The following RGS6 variants were observed in gnomAD, a reference collection of about 807,000 sequenced individuals.
The protein encoded by RGS6 is regulator of G protein signaling 6, also known as regulator of G-protein signaling 6.
Under a neutral mutation model 78.5 loss-of-function variants are expected in RGS6, and 30 were observed. The ratio of observed to expected loss-of-function variants is 0.38; its 90% CI spans 0.29 to 0.52. RGS6 has a LOEUF of 0.52. RGS6 is among the 20% of genes least tolerant of loss of function. RGS6 has a pLI of 0.85. For synonymous variants in RGS6, 206 were observed against 206.0 expected (o/e 1.00, Z 0.00); for missense variants, 495 against 609.7 (o/e 0.81, Z 1.98).
the RGS6 span, among the ~76,000 whole-genome samples, chr14:72,596,568 G>C: frequency 3.9e-5 from 6 of 151,990 alleles, no homozygotes; most frequent in Non-Finnish European, 7.4e-5. Context: ...AATTTCAGTC[G>C]AGCAAAAAAA....
At chr14:72,296,425 A>G (rs2064838121) in intron 2 of RGS6, among the ~76,000 whole-genome samples, 1 of 152,214 alleles carries the variant, frequency 6.6e-6, no homozygotes, top group South Asian at 2.1e-4. Context: ...GAGTTTTCAC[A>G]ATTATCCATT....
intron 2 of RGS6, among the ~76,000 whole-genome samples, chr14:71,977,757 G>T (rs1178651376): frequency 6.6e-6 from 1 of 151,704 alleles, no homozygotes. Flanking sequence ...CTCTTTTTTG[G>T]TTCCATATGA....
chr14:72,529,850 G>T (rs149208505), intron 15 of RGS6, among the ~76,000 whole-genome samples: 3 of 152,190 alleles, frequency 2.0e-5, no homozygotes, highest in African/African-American at 7.2e-5. Context: ...GGCTAAATGC[G>T]TCTCTGTGCA....
intron 2 of RGS6, among the ~76,000 whole-genome samples, chr14:72,330,009 G>A (rs542637920): frequency 6.6e-6 from 1 of 152,212 alleles, no homozygotes; most frequent in Non-Finnish European, 1.5e-5. Context: ...AAACTTGGAT[G>A]GCATCATGTC....
chr14:72,604,943 A>G, the RGS6 span, among the ~76,000 whole-genome samples: 1 of 152,164 alleles, frequency 6.6e-6, no homozygotes, highest in Non-Finnish European at 1.5e-5. Flanking sequence ...TTTCTTTCTG[A>G]GCGGGGCCAC....
intron 2 of RGS6, among the ~76,000 whole-genome samples, chr14:72,225,621 G>A (rs557993047): frequency 2.0e-5 from 3 of 152,138 alleles, no homozygotes; most frequent in East Asian, 3.9e-4. Context: ...GAGCCACCAC[G>A]CCCAGCCAAA....
intron 2 of RGS6, among the ~76,000 whole-genome samples, chr14:72,145,468 T>C (rs2096595775): frequency 6.6e-6 from 1 of 152,160 alleles, no homozygotes; most frequent in South Asian, 2.1e-4. Context: ...CATCATAATT[T>C]CCTCAGTTAA....
Position 72,147,301 on chromosome 14 carries a change from T to C in RGS6, c.84+182426T>C, listed in dbSNP as rs2153627801. Among the ~76,000 whole-genome samples the C allele has an allele frequency of 2.0e-5, 3 of 152,366 alleles. 1 individual carries two copies. The Middle Eastern group carries it at 0.01, about 518-fold the overall frequency. On this transcript the variant is annotated intron_variant, in intron 2 of 17. Transcript: ENST00000553525. The stretch of plus-strand genomic sequence containing the variant: ...TTACTGTAATAAACCCTCTTCTCGA[T>C]ACCAATTTTTTGTCTTAGTTTATTT...
intron 3 of RGS6, among the ~76,000 whole-genome samples, chr14:72,445,969 G>A (rs1265359757): frequency 6.6e-6 from 1 of 152,130 alleles, no homozygotes; most frequent in Non-Finnish European, 1.5e-5. Context: ...TTATTAAAGG[G>A]AAATTTGGGC....
rs183091558 is a variant in RGS6 at position 72,002,458 on chromosome 14, G to A, written c.84+37583G>A. Among the ~76,000 whole-genome samples, 523 of 152,246 alleles carry A rather than the reference G, an allele frequency of 3.4e-3. 5 individuals are homozygous for A. Among genetic ancestry groups the A allele is most frequent in the Non-Finnish European group, 4.6e-3 (310 of 68,022 alleles). Reference sequence around the variant, plus strand: ...TTTGTATAACATCAGGTTGGTTTCTGGTAGTACGTTGATTGTGGAGAGGGC... The same window carrying A: ...TTTGTATAACATCAGGTTGGTTTCTAGTAGTACGTTGATTGTGGAGAGGGC... On this transcript the variant is annotated intron_variant, in intron 2 of 17. Transcript: ENST00000553525.
intron 2 of RGS6, among the ~76,000 whole-genome samples, chr14:72,024,755 C>T (rs1040421968): frequency 6.6e-6 from 1 of 152,122 alleles, no homozygotes; most frequent in Admixed American, 6.6e-5. Context: ...GGATTCCAGC[C>T]CAGGACAGTC....
chr14:72,065,853 T>C (rs1315964356), intron 2 of RGS6, among the ~76,000 whole-genome samples: 1 of 152,096 alleles, frequency 6.6e-6, no homozygotes, highest in Non-Finnish European at 1.5e-5. Context: ...ACATGTGCCA[T>C]GCTGGTGTGC....
At chr14:72,027,685 T>C (rs1022295362) in intron 2 of RGS6, among the ~76,000 whole-genome samples, 5 of 152,188 alleles carry the variant, frequency 3.3e-5, no homozygotes, top group Non-Finnish European at 5.9e-5. Context: ...TCTCAAGCCA[T>C]TGTGCATGCC....
rs5809549 is a variant in RGS6 at position 71,996,156 on chromosome 14, G to GTT, written c.84+31293_84+31294dup. 6.0e-3 allele frequency among the ~76,000 whole-genome samples: 870 copies of GTT among 145,206 alleles called. 6 individuals carry two copies. Among genetic ancestry groups the GTT allele is most frequent in the South Asian group, 0.011 (51 of 4,526 alleles). ...CAAGTCGGGTGTTCGTTAGAAGTGT[G>GTT]TTTTTTTTTTTTTGTGATTTGGGAC... is the stretch of plus-strand genomic sequence containing the variant. On this transcript the variant is annotated intron_variant, in intron 2 of 17. Coordinates refer to ENST00000553525, the MANE Select transcript of RGS6 (RefSeq NM_001204424.2).
the RGS6 span, among the ~76,000 whole-genome samples, chr14:71,911,711 A>G: frequency 6.6e-6 from 1 of 151,170 alleles, no homozygotes; most frequent in African/African-American, 2.4e-5. Flanking sequence ...CATGAGGTTC[A>G]TAAATTTGGA....
chr14:72,102,258 T>C (rs2095543688), intron 2 of RGS6, among the ~76,000 whole-genome samples: 1 of 152,270 alleles, frequency 6.6e-6, no homozygotes, highest in Admixed American at 6.5e-5. Flanking sequence ...TAGCTCCTGC[T>C]ATTTTCCTAT....
intron 3 of RGS6, among the ~76,000 whole-genome samples, chr14:72,409,744 T>C (rs1027514139): frequency 6.6e-6 from 1 of 152,066 alleles, no homozygotes; most frequent in African/African-American, 2.4e-5. Context: ...CCTCGGTGTG[T>C]GATGTTCCCC....
intron 2 of RGS6, among the ~76,000 whole-genome samples, chr14:72,152,245 A>AGTGTGTGT (rs10686344): frequency 1.0e-5 from 1 of 97,144 alleles, no homozygotes; most frequent in African/African-American, 3.4e-5. Flanking sequence ...AGAGAGAGAG[A>AGTGTGTGT]GTGTGTGTGT....
downstream of RGS6, among the ~76,000 whole-genome samples, chr14:72,566,964 C>T (rs537419656): frequency 4.7e-4 from 72 of 152,250 alleles, no homozygotes; most frequent in Non-Finnish European, 8.4e-4. Context: ...GTTTCCTGAG[C>T]GACAGACAGT....
Sources: allele counts gnomAD v4.1 joint callset (sites outside exome capture counted in the v4.1 genomes callset), GRCh38; gene constraint gnomAD v4.1.1; transcripts MANE v1.5; gene names NCBI Gene and HGNC (gene_info 2026-07-23, HGNC 2026-07-21).